Variants in NR5A2 observed in about 807,000 individuals in gnomAD.
NR5A2 encodes CYP7A promoter-binding factor.
Under a neutral mutation model 62.7 loss-of-function variants are expected in NR5A2, and 26 were observed. The observed-to-expected ratio is 0.41, with a 90% CI of 0.30 to 0.58. The LOEUF (loss-of-function observed/expected upper bound fraction) is 0.58. Ranked by LOEUF, NR5A2 falls within the 20% of genes least tolerant of loss-of-function variation. The probability of loss-of-function intolerance (pLI) is 0.22; values close to 1 mark genes in which losing one functional copy is unlikely to be tolerated. For synonymous variants in NR5A2, 246 were observed against 241.7 expected, an observed-to-expected ratio of 1.02 and a Z score of -0.16; for missense variants, 541 against 669.1, an observed-to-expected ratio of 0.81 and a Z score of 2.11.
chr1:200,110,712 A>G (rs1331850080), intron 5 of NR5A2, among the ~76,000 whole-genome samples: 1 of 152,180 alleles, frequency 6.6e-6, no homozygotes, highest in Non-Finnish European at 1.5e-5. Context: ...CAAAAGTCCT[A>G]TGGGCTGTAA....
At chr1:200,033,568 A>T (rs1322515930) in intron 1 of NR5A2, among the ~76,000 whole-genome samples, 1 of 152,170 alleles carries the variant, frequency 6.6e-6, no homozygotes, top group Non-Finnish European at 1.5e-5. Flanking sequence ...CACCTGCTCC[A>T]GCGGCCTCTA....
intron 5 of NR5A2, among the ~76,000 whole-genome samples, chr1:200,061,275 CTTTTTT>C (rs35232000): frequency 8.1e-6 from 1 of 122,878 alleles, no homozygotes. Flanking sequence ...TCGGGATTAA[CTTTTTT>C]TTTTTTTTTT....
intron 3 of NR5A2, among the ~76,000 whole-genome samples, chr1:200,044,711 T>A (rs1214243936): frequency 1.3e-5 from 2 of 152,110 alleles, no homozygotes; most frequent in Non-Finnish European, 2.9e-5. Flanking sequence ...TTGTGGCAAG[T>A]GGGTTAAATA....
intron 5 of NR5A2, among the ~76,000 whole-genome samples, chr1:200,077,470 T>C (rs1012248682): frequency 2.6e-5 from 4 of 152,190 alleles, no homozygotes; most frequent in Non-Finnish European, 5.9e-5. Flanking sequence ...TCCCAGCACA[T>C]TGGGAGGCCA....
intron 6 of NR5A2, among the ~76,000 whole-genome samples, chr1:200,112,844 T>A (rs1053470237): frequency 6.6e-6 from 1 of 152,222 alleles, no homozygotes; most frequent in African/African-American, 2.4e-5. Context: ...AGGAGCTGCA[T>A]TGGAAGTACA....
intron 5 of NR5A2, among the ~76,000 whole-genome samples, chr1:200,064,455 A>G (rs1164888143): frequency 6.6e-6 from 1 of 152,230 alleles, no homozygotes; most frequent in Non-Finnish European, 1.5e-5. Context: ...GTGTAAAAAT[A>G]CAGAGGCTTT....
At chr1:200,121,151 G>A (rs1007243393) in intron 7 of NR5A2, among the ~76,000 whole-genome samples, 196 bp downstream of exon 7, 12 of 152,042 alleles carry the variant, frequency 7.9e-5, no homozygotes, top group Non-Finnish European at 1.8e-4. Flanking sequence ...GATACGTTGG[G>A]GAATGGAAAA....
At chr1:200,072,936 A>G (rs975547699) in intron 5 of NR5A2, among the ~76,000 whole-genome samples, 1 of 152,132 alleles carries the variant, frequency 6.6e-6, no homozygotes, top group African/African-American at 2.4e-5. Flanking sequence ...CATGCTGTCA[A>G]TTTGCCAAGG....
intron 5 of NR5A2, among the ~76,000 whole-genome samples, chr1:200,107,924 C>T (rs1665766027): frequency 6.6e-6 from 1 of 152,094 alleles, no homozygotes. Flanking sequence ...AGACATGGCA[C>T]CCGGCCTCAG....
intron 7 of NR5A2, among the ~76,000 whole-genome samples, chr1:200,136,719 A>T (rs1347430070): frequency 6.6e-6 from 1 of 152,202 alleles, no homozygotes; most frequent in African/African-American, 2.4e-5. Flanking sequence ...GTCATTTATG[A>T]TGAAGCTAAC....
At chr1:200,124,988 T>A (rs1311827392) in intron 7 of NR5A2, among the ~76,000 whole-genome samples, 1 of 152,110 alleles carries the variant, frequency 6.6e-6, no homozygotes, top group Admixed American at 6.6e-5. Context: ...TAATAGGAGG[T>A]GGTTTAGCTA....
chr1:200,161,313 GGCCTTATT>G (rs1215762767), intron 7 of NR5A2, among the ~76,000 whole-genome samples: 28 of 152,134 alleles, frequency 1.8e-4, no homozygotes, highest in African/African-American at 6.5e-4. Context: ...TCCAGCCAGA[GGCCTTATT>G]TTTCTTTGAT....
chr1:200,029,852 A>G (rs746243811), intron 1 of NR5A2: 5 of 152,206 alleles, frequency 3.3e-5, no homozygotes, highest in Non-Finnish European at 7.3e-5. Flanking sequence ...CACCTGCAAC[A>G]TCTTAGTGAC....
intron 7 of NR5A2, among the ~76,000 whole-genome samples, chr1:200,154,315 T>A (rs1281448857): frequency 6.6e-6 from 1 of 152,222 alleles, no homozygotes. Flanking sequence ...GACTTCCTAC[T>A]TACTGATAGC....
chr1:200,114,264 A>G (rs1314888400), intron 6 of NR5A2, among the ~76,000 whole-genome samples: 2 of 142,970 alleles, frequency 1.4e-5, no homozygotes, highest in African/African-American at 5.1e-5. Context: ...AAATATATCT[A>G]CATATATACA....
At chr1:200,105,315 C>T (rs1457432661) in intron 5 of NR5A2, among the ~76,000 whole-genome samples, 2 of 151,782 alleles carry the variant, frequency 1.3e-5, no homozygotes, top group Admixed American at 6.6e-5. Flanking sequence ...ACAGGAAACA[C>T]TGAGAGAGAA....
intron 5 of NR5A2, among the ~76,000 whole-genome samples, chr1:200,099,828 G>A (rs999354844): frequency 2.6e-5 from 4 of 152,090 alleles, no homozygotes; most frequent in Admixed American, 6.6e-5. Context: ...TCCTGACCTC[G>A]TGATCCACCC....
At position 200,175,763 on chromosome 1, in the gene NR5A2, A is replaced by G. The variant is rs530701135; in HGVS notation, c.*1553A>G. The G allele has an allele frequency of 6.5e-5, 10 of 152,710 alleles. No homozygotes were observed. In the South Asian group the frequency reaches 2.1e-3, roughly 32 times the overall value. The allele number at this position is 152,710 out of a possible 1,614,324, so 9.5% of individuals were successfully genotyped here. A position where few individuals can be genotyped will look rare whatever the true frequency, so the allele number is the denominator to read the frequency against. On this transcript the variant is annotated 3_prime_UTR_variant, in exon 8 of 8. Transcript: ENST00000367362. ...ACTTAATTATTCTATGTCGTGAGAC[A>G]CTAAAATCAAAAACGGGAATCTCAT...
At chr1:200,034,649 T>TA (rs1661686798) in intron 1 of NR5A2, among the ~76,000 whole-genome samples, 1 of 151,950 alleles carries the variant, frequency 6.6e-6, no homozygotes, top group African/African-American at 2.4e-5. Context: ...GCTTCGGCTT[T>TA]CGTTTTCCTC....
Sources: allele counts gnomAD v4.1 joint callset (sites outside exome capture counted in the v4.1 genomes callset), GRCh38; gene constraint gnomAD v4.1.1; transcripts MANE v1.5; gene names NCBI Gene and HGNC (gene_info 2026-07-23, HGNC 2026-07-21).